Variants in ADGRF1 observed in about 807,000 individuals in gnomAD.
The protein encoded by ADGRF1 is adhesion G protein-coupled receptor F1.
ADGRF1 carries 85 observed loss-of-function variants against 87.2 expected under a neutral mutation model. The ratio of observed to expected loss-of-function variants is 0.97; its 90% CI spans 0.82 to 1.17. The LOEUF is 1.17. Ranked by LOEUF, ADGRF1 falls within the 50% of genes most tolerant of loss-of-function variation. The pLI is 0.00. For synonymous variants in ADGRF1, 430 were observed against 408.8 expected (o/e 1.05, Z -0.63); for missense variants, 1,169 against 1,077.2 (o/e 1.09, Z -1.19).
chr6:47,019,333 T>C, intron 7 of ADGRF1: 1 of 984,270 alleles, frequency 1.0e-6, no homozygotes, highest in Non-Finnish European at 1.2e-6. Flanking sequence ...ACTATTCATG[T>C]ATGACTTAAA....
At chr6:47,020,033 T>C in intron 7 of ADGRF1, 29 of 993,320 alleles carry the variant, frequency 2.9e-5, no homozygotes, top group Non-Finnish European at 3.5e-5. Context: ...CTGTAGTTGC[T>C]GAAGGAGAAA....
In ADGRF1 at chr6:47,000,193, A is replaced by G; in HGVS notation, c.*29T>C. The G allele has an allele frequency of 6.4e-7, 1 of 1,556,422 alleles. No individual in the cohort carries two copies. The highest frequency in any genetic ancestry group is 8.8e-7 in the Non-Finnish European group (1 of 1,131,652). On this transcript the variant is annotated 3_prime_UTR_variant, in exon 15 of 15. Coordinates refer to ENST00000371253, the MANE Select transcript of ADGRF1 (RefSeq NM_153840.4). ...CTCTAAATGTCAAGTTGTTCTGGAA[A>G]TTTTTTCTTGATTTTATGATTCCTT...
chr6:47,028,943 G>C, intron 2 of ADGRF1, 50 bp downstream of exon 2: 1 of 1,448,464 alleles, frequency 6.9e-7, no homozygotes, highest in Non-Finnish European at 9.7e-7. Flanking sequence ...GTGCCGGAAC[G>C]AGAGAGGAGA....
rs564541273 is a variant in ADGRF1 at position 47,031,458 on chromosome 6, C to T, written c.-43-2354G>A. ...AAGGCAGCTTGAGAAAGCCTGAGGA[C>T]AGCTCTGGGCATTGTGGGAAAGCCT... On this transcript the variant is annotated intron_variant, in intron 1 of 14. Coordinates refer to ENST00000371253, the MANE Select transcript of ADGRF1 (RefSeq NM_153840.4). Among the ~76,000 whole-genome samples the T allele has an allele frequency of 3.1e-4, 47 of 151,750 alleles. 2 individuals carry two copies. The South Asian group carries it at 9.6e-3, about 31-fold the overall frequency.
rs147561484 is a variant in ADGRF1, at chr6:47,037,616, C to T, written c.-44+4575G>A. 3.1e-3 allele frequency among the ~76,000 whole-genome samples: 471 copies of T among 152,160 alleles called. 4 individuals carry two copies. The highest frequency in any genetic ancestry group is 0.011 in the African/African-American group (444 of 41,512). On this transcript the variant is annotated intron_variant, in intron 1 of 14. Coordinates refer to ENST00000371253, the MANE Select transcript of ADGRF1 (RefSeq NM_153840.4). ...CCATCCTGGGCTCAAATGATCCTCT[C>T]GTCTCAGCCTCCTGGGTGGCTGGGA...
intron 13 of ADGRF1, among the ~76,000 whole-genome samples, chr6:47,003,989 G>A (rs907768601): frequency 3.9e-5 from 6 of 152,188 alleles, no homozygotes; most frequent in Middle Eastern, 6.8e-3. Flanking sequence ...TCTTCAGTCC[G>A]ACCAATCCCT....
chr6:47,019,911 G>C (rs180757456), intron 7 of ADGRF1: 10 of 985,062 alleles, frequency 1.0e-5, no homozygotes, highest in Non-Finnish European at 1.2e-5. Flanking sequence ...TTCTTTATTT[G>C]CTGTAAACAA....
chr6:47,030,574 A>ATGTGTGTG (rs1491348365), intron 1 of ADGRF1, among the ~76,000 whole-genome samples: 1 of 99,218 alleles, frequency 1.0e-5, no homozygotes, highest in Admixed American at 9.6e-5. Context: ...GATAACATGA[A>ATGTGTGTG]TATGTGTGTG....
At chr6:47,032,533 G>A (rs1218636086) in intron 1 of ADGRF1, among the ~76,000 whole-genome samples, 1 of 152,138 alleles carries the variant, frequency 6.6e-6, no homozygotes, top group Non-Finnish European at 1.5e-5. Context: ...AAATCTCAAG[G>A]CACATGGTCA....
chr6:47,012,142 C>A lies in ADGRF1; in HGVS notation c.981G>T (p.Val327=), dbSNP rs938912058. ...NATEAAVSSF[V]QNLSVIIRQN... ...GCCGAATGATGACAGAAAGATTTTGCACGAAGGATGACACAGCTGCCTCAG... is the reference window on the plus strand; with the variant it reads ...GCCGAATGATGACAGAAAGATTTTGAACGAAGGATGACACAGCTGCCTCAG... The change falls in exon 10 of 15, where the codon GTG becomes GTT. Residue 327 remains valine, a synonymous_variant. Transcript: ENST00000371253. The A allele has an allele frequency of 3.7e-6, 6 of 1,613,814 alleles. No homozygotes were observed. The African/African-American group carries it at 6.7e-5, about 18-fold the overall frequency.
chr6:47,001,455 T>A, intron 14 of ADGRF1, 46 bp downstream of exon 14: 1 of 1,489,740 alleles, frequency 6.7e-7, no homozygotes, highest in Non-Finnish European at 9.3e-7. Flanking sequence ...TATACTCATA[T>A]ACTCTTTTCA....
intron 1 of ADGRF1, among the ~76,000 whole-genome samples, chr6:47,035,495 T>C (rs1780563406): frequency 6.6e-6 from 1 of 152,260 alleles, no homozygotes; most frequent in Non-Finnish European, 1.5e-5. Context: ...CAAAGTGTTT[T>C]TAATAAGTTT....
chr6:47,020,010 G>A (rs1779995511), intron 7 of ADGRF1: 1 of 989,656 alleles, frequency 1.0e-6, no homozygotes, highest in Non-Finnish European at 1.2e-6. Context: ...CGAATTATGA[G>A]GCATCATATC....
intron 10 of ADGRF1, among the ~76,000 whole-genome samples, chr6:47,011,583 T>C: frequency 6.6e-6 from 1 of 152,350 alleles, no homozygotes; most frequent in South Asian, 2.1e-4. Context: ...GTATCATTTA[T>C]GTAATTTGTA....
chr6:47,019,190 A>C (rs1779965204), intron 7 of ADGRF1: 3 of 680,988 alleles, frequency 4.4e-6, no homozygotes, highest in Non-Finnish European at 5.4e-6. Context: ...GCATGATAGA[A>C]TATAAATTAG....
chr6:47,010,338 G>C lies in ADGRF1; in HGVS notation c.1117-20C>G, dbSNP rs1171460667. On this transcript the variant is annotated intron_variant, in intron 10 of 14. Coordinates refer to ENST00000371253, the MANE Select transcript of ADGRF1 (RefSeq NM_153840.4). ...GACATCCTGAAACACAAGGATGAGAGTCAGTTTGTGTTTTTGAGTAAACAG... is the reference window on the plus strand; with the variant it reads ...GACATCCTGAAACACAAGGATGAGACTCAGTTTGTGTTTTTGAGTAAACAG... 2 of 1,564,422 alleles carry C rather than the reference G, an allele frequency of 1.3e-6. No individual in the cohort carries two copies. The highest frequency in any genetic ancestry group is 1.7e-6 in the Non-Finnish European group (2 of 1,155,648).
chr6:47,026,083 C>T, intron 3 of ADGRF1, 80 bp from the exon 4 acceptor site: 2 of 1,305,440 alleles, frequency 1.5e-6, no homozygotes, highest in Non-Finnish European at 2.1e-6. Flanking sequence ...GAGAAACAAT[C>T]ATCAAATTTA....
rs1422544439 is a variant in ADGRF1 at position 47,014,148 on chromosome 6, AT to A, written c.927+532del. 8.3e-6 allele frequency: 4 copies of A among 482,086 alleles called. No homozygotes were observed. In the South Asian group the frequency reaches 2.7e-4, roughly 32 times the overall value. 29.9% of individuals were successfully genotyped at this position (482,086 alleles called of 1,614,324 possible). On this transcript the variant is annotated intron_variant, in intron 9 of 14. Coordinates refer to ENST00000371253, the MANE Select transcript of ADGRF1 (RefSeq NM_153840.4). ...CAAAACTATTGCTACCAGAGGAACT[AT>A]TGGCCCCTTGGTCTTTTGTTTTCTG... is the stretch of plus-strand genomic sequence containing the variant.
rs750527775 is a variant in ADGRF1 at position 47,024,187 on chromosome 6, C to T, written c.308G>A (p.Cys103Tyr). The T allele has an allele frequency of 1.2e-6, 2 of 1,613,960 alleles. No homozygotes were observed. Among genetic ancestry groups the T allele is most frequent in the South Asian group, 1.1e-5 (1 of 91,060 alleles). ...DCNSLNGVLQ[C>Y]TCEDSYTWFP... The stretch of plus-strand genomic sequence containing the variant: ...CCAGGTGTAGCTGTCTTCACAGGTA[C>T]ACTGCAGGACTCCATTCAGGCTGTT... Residue 103 changes from cysteine (C) to tyrosine (Y), a missense_variant, in exon 5 of 15, where the codon TGT becomes TAT. Cys to Tyr is a radical substitution (Grantham distance 194). Transcript: ENST00000371253.
Sources: gnomAD v4.1 joint callset for allele counts (sites outside exome capture counted in the v4.1 genomes callset) on GRCh38, gnomAD v4.1.1 for gene constraint, MANE v1.5 for transcripts, NCBI Gene and HGNC (gene_info 2026-07-23, HGNC 2026-07-21) for gene names.